The following TACR2 variants were observed in gnomAD, a reference collection of about 807,000 sequenced individuals.
The protein encoded by TACR2 is tachykinin receptor 2, also known as substance-K receptor.
TACR2 carries 24 observed loss-of-function variants against 28.9 expected under a neutral mutation model. That is an observed-to-expected ratio of 0.83 (90% CI 0.60 to 1.17). The LOEUF (loss-of-function observed/expected upper bound fraction) is 1.17, where lower values mean the gene tolerates loss of function less well. Among genes scored for constraint, TACR2 ranks in the 50% most tolerant of loss-of-function variants. The probability of loss-of-function intolerance (pLI) is 0.00; values close to 1 mark genes in which losing one functional copy is unlikely to be tolerated. For synonymous variants in TACR2, 222 were observed against 212.6 expected (o/e 1.04, Z -0.38); for missense variants, 487 against 524.4 (o/e 0.93, Z 0.70).
chr10:69,404,850 G>A lies in TACR2; in HGVS notation c.1173C>T (p.Pro391=), dbSNP rs757945642. The A allele has an allele frequency of 1.3e-6, 2 of 1,560,968 alleles. No individual in the cohort carries two copies. The highest frequency in any genetic ancestry group is 1.4e-5 in the African/African-American group (1 of 73,530). Residue 391 remains proline (P), a synonymous_variant, in exon 5 of 5, where the codon CCC becomes CCT. Coordinates refer to ENST00000373306, the MANE Select transcript of TACR2 (RefSeq NM_001057.3). The part of the protein sequence containing the change: ...GLWFGYGLLA[P]TKTHVEI The stretch of plus-strand genomic sequence containing the variant: ...ATCAAATTTCAACATGAGTTTTGGT[G>A]GGGGCAAGCAAACCATACCCAAACC...
rs760564971 is a variant in TACR2 at position 69,414,993 on chromosome 10, T to C, written c.539A>G (p.Lys180Arg). The C allele has an allele frequency of 6.2e-6, 10 of 1,613,582 alleles. No homozygotes were observed. The highest frequency in any genetic ancestry group is 8.5e-6 in the Non-Finnish European group (10 of 1,179,946). The change falls in exon 2 of 5, where the codon AAG becomes AGG. Residue 180 changes from lysine to arginine, a missense_variant. By Grantham distance (26) the Lys-to-Arg change is conservative. Transcript: ENST00000373306. ...GTCTTCGGGCCAGGCCACCACGCAC[T>C]TGGTGGCACCCTGGTCCATGGTGAC... ...STVTMDQGAT[K>R]CVVAWPEDSG...
At chr10:69,409,890 CATATAT>C (rs1390944288) in intron 2 of TACR2, among the ~76,000 whole-genome samples, 5 of 35,350 alleles carry the variant, frequency 1.4e-4, no homozygotes, top group Non-Finnish European at 2.3e-4. Context: ...TACATATATA[CATATAT>C]ATATATACAT....
At chr10:69,407,907 T>G (rs1840518123) in intron 3 of TACR2, among the ~76,000 whole-genome samples, 1 of 152,160 alleles carries the variant, frequency 6.6e-6, no homozygotes, top group Non-Finnish European at 1.5e-5. Context: ...AGACCCCTAG[T>G]GTGGAGCAGA....
chr10:69,410,442 G>C (rs1371473944), intron 2 of TACR2, among the ~76,000 whole-genome samples: 1 of 150,974 alleles, frequency 6.6e-6, no homozygotes, highest in African/African-American at 2.4e-5. Context: ...GTTCACTTGA[G>C]CCCAGGAGAT....
Position 69,407,154 on chromosome 10 carries a change from G to C in TACR2, c.868C>G (p.Leu290Val), listed in dbSNP as rs1477876219. ...CTCATGGCCAACCAGAAGAGTGCCAGGTAGACTTGCTGGATGAACTTGTGG... is the reference window on the plus strand; with the variant it reads ...CTCATGGCCAACCAGAAGAGTGCCACGTAGACTTGCTGGATGAACTTGTGG... ...YCHKFIQQVY[L>V]ALFWLAMSST... Residue 290 changes from leucine to valine, a missense_variant, in exon 4 of 5, where the codon CTG (leucine) becomes GTG (valine). Leu to Val is a conservative substitution (Grantham distance 32). Transcript: ENST00000373306. 1 of 1,613,940 alleles carries C rather than the reference G, an allele frequency of 6.2e-7. No individual in the cohort carries two copies. Among genetic ancestry groups the C allele is most frequent in the Non-Finnish European group, 8.5e-7 (1 of 1,179,988 alleles).
intron 2 of TACR2, 126 bp downstream of exon 2, chr10:69,414,819 C>T: frequency 2.0e-6 from 2 of 993,144 alleles, no homozygotes; most frequent in Admixed American, 4.8e-5. Context: ...TACACTCACT[C>T]ATGTGTACAC....
At chr10:69,405,250 G>A (rs780485292) in intron 4 of TACR2, among the ~76,000 whole-genome samples, 166 bp from the exon 5 acceptor site, 4 of 152,154 alleles carry the variant, frequency 2.6e-5, no homozygotes, top group Non-Finnish European at 5.9e-5. Context: ...TCGTGGGTGA[G>A]TTTGATTTTT....
intron 2 of TACR2, among the ~76,000 whole-genome samples, chr10:69,410,487 C>T (rs1346658938): frequency 1.3e-5 from 2 of 150,990 alleles, no homozygotes; most frequent in Admixed American, 1.3e-4. Flanking sequence ...GGCCACTGCA[C>T]CCTAGCCTGG....
chr10:69,407,699 C>A (rs1195329301), intron 3 of TACR2, among the ~76,000 whole-genome samples: 3 of 152,172 alleles, frequency 2.0e-5, no homozygotes, highest in Non-Finnish European at 2.9e-5. Context: ...TCCGTATCGG[C>A]ACAGCCCTTC....
intron 2 of TACR2, among the ~76,000 whole-genome samples, chr10:69,412,134 A>G (rs1840574093): frequency 6.6e-6 from 1 of 152,212 alleles, no homozygotes; most frequent in Non-Finnish European, 1.5e-5. Flanking sequence ...TTGAGTAATT[A>G]TAAAACTCTG....
At chr10:69,412,069 C>T (rs1840573493) in intron 2 of TACR2, among the ~76,000 whole-genome samples, 1 of 152,194 alleles carries the variant, frequency 6.6e-6, no homozygotes, top group Non-Finnish European at 1.5e-5. Flanking sequence ...TGACCACTGC[C>T]TTGGCCTCCC....
chr10:69,412,356 A>T (rs1432331533), intron 2 of TACR2, among the ~76,000 whole-genome samples: 1 of 152,066 alleles, frequency 6.6e-6, no homozygotes, highest in Non-Finnish European at 1.5e-5. Flanking sequence ...AGGCGCTCCT[A>T]GACTCCCTGA....
In TACR2 at chr10:69,414,925, C is replaced by T; in HGVS notation, c.587+20G>A. On this transcript the variant is annotated intron_variant, in intron 2 of 4. Transcript: ENST00000373306. ...CACACACACACACTGTTGCCCTCCA[C>T]AATCCCCCAGAGGCCTTACAGGAGG... The T allele has an allele frequency of 6.3e-7, 1 of 1,597,042 alleles. No homozygotes were observed. The highest frequency in any genetic ancestry group is 8.6e-7 in the Non-Finnish European group (1 of 1,168,590).
chr10:69,405,186 T>G, intron 4 of TACR2, 102 bp from the exon 5 acceptor site: 1 of 938,644 alleles, frequency 1.1e-6, no homozygotes, highest in Non-Finnish European at 1.6e-6. Context: ...CAGAGGAAAG[T>G]CACTGTCTCT....
chr10:69,405,123 G>A (rs1240119161), intron 4 of TACR2, 39 bp from the exon 5 acceptor site: 1 of 1,573,042 alleles, frequency 6.4e-7, no homozygotes, highest in Non-Finnish European at 8.7e-7. Context: ...GGGAGTTAGG[G>A]GCTCAGGAGC....
intron 2 of TACR2, among the ~76,000 whole-genome samples, chr10:69,414,466 GTGCA>G (rs902565522): frequency 2.6e-5 from 4 of 152,220 alleles, no homozygotes; most frequent in African/African-American, 9.6e-5. Context: ...ACATACACGT[GTGCA>G]TGCATGCATA....
At chr10:69,410,542 C>T (rs1272368672) in intron 2 of TACR2, among the ~76,000 whole-genome samples, 2 of 139,804 alleles carry the variant, frequency 1.4e-5, no homozygotes, top group Non-Finnish European at 1.6e-5. Context: ...AAAAAAACGA[C>T]AGTGTCCCCA....
intron 4 of TACR2, 23 bp from the exon 5 acceptor site, chr10:69,405,107 G>A (rs754327518): frequency 6.2e-7 from 1 of 1,605,916 alleles, no homozygotes; most frequent in South Asian, 1.1e-5. Context: ...GGGGCACCTT[G>A]AGCCAGGGAG....
At position 69,416,760 on chromosome 10, in the gene TACR2, C is replaced by T. The variant is rs201151365; in HGVS notation, c.-437G>A. On this transcript the variant is annotated 5_prime_UTR_variant, in exon 1 of 5. Transcript: ENST00000373306. ...TTTCTCGTCACGTAATTCAGGAAAC[C>T]TTCCAGATCAGAGGAATGCACAGCG... The T allele has an allele frequency of 6.2e-6, 1 of 160,724 alleles. No individual in the cohort carries two copies. Among genetic ancestry groups the T allele is most frequent in the Non-Finnish European group, 1.4e-5 (1 of 73,422 alleles). 10.0% of individuals were successfully genotyped at this position (160,724 alleles called of 1,614,324 possible). A position where few individuals can be genotyped will look rare whatever the true frequency, so the allele number is the denominator to read the frequency against.
Sources: gnomAD v4.1 joint callset for allele counts (sites outside exome capture counted in the v4.1 genomes callset) on GRCh38, gnomAD v4.1.1 for gene constraint, MANE v1.5 for transcripts, NCBI Gene and HGNC (gene_info 2026-07-23, HGNC 2026-07-21) for gene names.